SLC18B1: variants seen among roughly 807,000 people sequenced by gnomAD.
The protein encoded by SLC18B1 is MFS-type transporter SLC18B1.
Under a neutral mutation model 53.9 loss-of-function variants are expected in SLC18B1, and 62 were observed. The ratio of observed to expected loss-of-function variants is 1.15; its 90% confidence interval spans 0.94 to 1.42. The LOEUF (loss-of-function observed/expected upper bound fraction) is 1.42. SLC18B1 is among the 40% of genes most tolerant of loss of function. SLC18B1 has a pLI of 0.00. For missense variants in SLC18B1, 598 were observed against 547.3 expected (o/e 1.09, Z -0.93); for synonymous variants, 217 against 200.9 (o/e 1.08, Z -0.68).
intron 2 of SLC18B1, among the ~76,000 whole-genome samples, chr6:132,795,475 A>G (rs1781653375): frequency 6.6e-6 from 1 of 152,242 alleles, no homozygotes. Context: ...TTAAATGGAT[A>G]AATAAGGGGT....
intron 5 of SLC18B1, among the ~76,000 whole-genome samples, chr6:132,784,452 C>T (rs2114674312): frequency 6.6e-6 from 1 of 152,060 alleles, no homozygotes; most frequent in African/African-American, 2.4e-5. Context: ...ATCATGAGAG[C>T]TACAATGAGG....
At chr6:132,785,638 A>G (rs1204514205) in intron 5 of SLC18B1, among the ~76,000 whole-genome samples, 1 of 152,222 alleles carries the variant, frequency 6.6e-6, no homozygotes, top group Admixed American at 6.5e-5. Flanking sequence ...GTACAGCAAC[A>G]TTGGTGTCTC....
chr6:132,785,555 T>C (rs1781348049), intron 5 of SLC18B1, among the ~76,000 whole-genome samples: 2 of 152,156 alleles, frequency 1.3e-5, no homozygotes, highest in Non-Finnish European at 2.9e-5. Flanking sequence ...AATTCTTTAA[T>C]CACAATAAGC....
chr6:132,770,530 G>A (rs1780942932), intron 13 of SLC18B1, among the ~76,000 whole-genome samples, 194 bp from the exon 14 acceptor site: 1 of 152,150 alleles, frequency 6.6e-6, no homozygotes, highest in African/African-American at 2.4e-5. Context: ...GAGGTCAGGA[G>A]TTCGAGACCA....
At chr6:132,797,491 G>A (rs762054562) in intron 1 of SLC18B1, among the ~76,000 whole-genome samples, 13 of 152,258 alleles carry the variant, frequency 8.5e-5, no homozygotes, top group South Asian at 4.1e-4. Flanking sequence ...CCAGCTACTC[G>A]GGAGGCTGAG....
chr6:132,770,488 C>A, intron 13 of SLC18B1, 152 bp from the exon 14 acceptor site: 1 of 663,480 alleles, frequency 1.5e-6, no homozygotes, highest in East Asian at 2.8e-5. Flanking sequence ...GTAATCCCAG[C>A]ATTTTGGGAG....
intron 8 of SLC18B1, among the ~76,000 whole-genome samples, chr6:132,774,675 G>T (rs543029004): frequency 7.9e-5 from 12 of 152,088 alleles, no homozygotes; most frequent in Non-Finnish European, 1.5e-4. Context: ...TTGAGAGGCC[G>T]AGGTGGGAAG....
chr6:132,787,342 G>A, intron 5 of SLC18B1, 92 bp downstream of exon 5: 1 of 1,265,064 alleles, frequency 7.9e-7, no homozygotes, highest in Non-Finnish European at 1.1e-6. Flanking sequence ...AGAAATGCAA[G>A]TATAGAAGAA....
intron 2 of SLC18B1, among the ~76,000 whole-genome samples, chr6:132,796,558 AG>A (rs1222298492): frequency 3.6e-4 from 53 of 148,762 alleles, no homozygotes; most frequent in African/African-American, 1.3e-3. Context: ...AAAAAAAGGA[AG>A]GGGGGTCGGG....
In SLC18B1 at chr6:132,797,140, G is replaced by A; in HGVS notation, c.44-19C>T. On this transcript the variant is annotated intron_variant, in intron 1 of 13. Transcript: ENST00000275227. ...TCATCACCTTGAATGCAAACATGCA[G>A]CAATTAGGCATATAATTGAGACTAC... 1 of 1,612,060 alleles carries A rather than the reference G, an allele frequency of 6.2e-7. No homozygotes were observed. Among genetic ancestry groups the A allele is most frequent in the South Asian group, 1.1e-5 (1 of 90,634 alleles).
chr6:132,798,246 C>A (rs1161427809), intron 1 of SLC18B1, among the ~76,000 whole-genome samples, 168 bp downstream of exon 1: 1 of 152,226 alleles, frequency 6.6e-6, no homozygotes, highest in Non-Finnish European at 1.5e-5. Flanking sequence ...TGGAACTTTA[C>A]CCCGTCCAGA....
intron 7 of SLC18B1, 143 bp downstream of exon 7, chr6:132,779,125 G>T: frequency 1.2e-6 from 1 of 821,008 alleles, no homozygotes; most frequent in South Asian, 2.8e-5. Flanking sequence ...ACGGTAGAGA[G>T]GGACACGCTA....
At chr6:132,781,715 C>A (rs927282461) in intron 6 of SLC18B1, among the ~76,000 whole-genome samples, 1 of 150,616 alleles carries the variant, frequency 6.6e-6, no homozygotes, top group African/African-American at 2.4e-5. Flanking sequence ...CAAGATCACG[C>A]CACTGTATTC....
At chr6:132,774,509 GA>G (rs752265141) in intron 8 of SLC18B1, among the ~76,000 whole-genome samples, 196 bp from the exon 9 acceptor site, 22 of 152,184 alleles carry the variant, frequency 1.4e-4, no homozygotes, top group Non-Finnish European at 3.1e-4. Flanking sequence ...TAACAAGGCA[GA>G]AAGTGAACAA....
At chr6:132,784,203 A>G (rs1781312292) in intron 5 of SLC18B1, 114 bp from the exon 6 acceptor site, 1 of 708,348 alleles carries the variant, frequency 1.4e-6, no homozygotes, top group African/African-American at 1.9e-5. Flanking sequence ...CACACTCCCA[A>G]GATGGCCCCA....
At chr6:132,770,792 A>G in intron 13 of SLC18B1, 98 bp downstream of exon 13, 3 of 1,195,644 alleles carry the variant, frequency 2.5e-6, no homozygotes, top group South Asian at 1.4e-5. Flanking sequence ...GTGCTTAGAA[A>G]TCCACTGACT....
In SLC18B1 at chr6:132,771,093, A is replaced by G. The variant is rs144328976; in HGVS notation, c.1197T>C (p.Tyr399=). 3.1e-4 allele frequency: 507 copies of G among 1,614,152 alleles called. 2 individuals carry two copies. In the East Asian group the frequency reaches 0.011, roughly 35 times the overall value. Residue 399 remains tyrosine (Y), a synonymous_variant, in exon 12 of 14, where the codon TAT becomes TAC. Coordinates refer to ENST00000275227, the MANE Select transcript of SLC18B1 (RefSeq NM_052831.3). ...CTGCCCATTCAAAACCAATTTTCTC[A>G]TACAGAAATCCACCCAGCGTTGGTC... ...FMGPTLGGFL[Y]EKIGFEWAAA...
chr6:132,797,015 G>C lies in SLC18B1; in HGVS notation c.150C>G (p.Cys50Trp). The change falls in exon 2 of 14, where the codon TGC becomes TGG. Residue 50 changes from cysteine to tryptophan, a missense_variant. Physicochemically the swap from Cys to Trp is radical, Grantham distance 215. Coordinates refer to ENST00000275227, the MANE Select transcript of SLC18B1 (RefSeq NM_052831.3). ...GGAAAAACGGTCCAAGTATAGAATA[G>C]CACATCATGGAACCTAAGTTCACCG... ...AASVNLGSMMCYSILGPFFPK... is the reference protein window; with the variant it reads ...AASVNLGSMMWYSILGPFFPK... 1 of 1,614,122 alleles carries C rather than the reference G, an allele frequency of 6.2e-7. No homozygotes were observed. Among genetic ancestry groups the C allele is most frequent in the Non-Finnish European group, 8.5e-7 (1 of 1,180,004 alleles).
rs1413701805 is a variant in SLC18B1, at chr6:132,769,407, C to A, written c.*863G>T. 2.0e-5 allele frequency: 3 copies of A among 152,200 alleles called. No homozygotes were observed. Among genetic ancestry groups the A allele is most frequent in the African/African-American group, 7.2e-5 (3 of 41,456 alleles). The allele number at this position is 152,200 out of a possible 1,614,324, so 9.4% of individuals were successfully genotyped here. On this transcript the variant is annotated 3_prime_UTR_variant, in exon 14 of 14. Coordinates refer to ENST00000275227, the MANE Select transcript of SLC18B1 (RefSeq NM_052831.3). ...AATAGACATTTATTCACTTCAACAT[C>A]ACAATTTCACACGAAGTTGGAGGAA...
Sources: allele counts gnomAD v4.1 joint callset (sites outside exome capture counted in the v4.1 genomes callset), GRCh38; gene constraint gnomAD v4.1.1; transcripts MANE v1.5; gene names NCBI Gene and HGNC (gene_info 2026-07-23, HGNC 2026-07-21).